The following PDE10A variants were observed in gnomAD, a reference collection of about 807,000 sequenced individuals.
The protein encoded by PDE10A is cAMP and cAMP-inhibited cGMP 3',5'-cyclic phosphodiesterase 10A.
Under a neutral mutation model 97.7 loss-of-function variants are expected in PDE10A, and 39 were observed. The ratio of observed to expected loss-of-function variants is 0.40; its 90% confidence interval spans 0.31 to 0.52. PDE10A has a LOEUF of 0.52. Ranked by LOEUF, PDE10A falls within the 20% of genes least tolerant of loss-of-function variation. The pLI is 0.56. For missense variants in PDE10A, 731 were observed against 1,047.8 expected (o/e 0.70, Z 4.17); for synonymous variants, 371 against 376.8 (o/e 0.98, Z 0.18).
At chr6:165,656,562 A>T (rs1286860072) in intron 1 of PDE10A, among the ~76,000 whole-genome samples, 3 of 151,078 alleles carry the variant, frequency 2.0e-5, no homozygotes, top group Admixed American at 2.0e-4. Flanking sequence ...GTTTCTATAC[A>T]CTCGTCTGAG....
chr6:165,823,008 A>G (rs1173292562), intron 1 of PDE10A, among the ~76,000 whole-genome samples: 1 of 151,522 alleles, frequency 6.6e-6, no homozygotes, highest in Non-Finnish European at 1.5e-5. Flanking sequence ...TAATTTTCGT[A>G]TTTTTAGTAG....
chr6:165,920,730 A>AT (rs1032258623), intron 1 of PDE10A, among the ~76,000 whole-genome samples: 1 of 151,498 alleles, frequency 6.6e-6, no homozygotes, highest in African/African-American at 2.4e-5. Context: ...CAATCTTTCT[A>AT]TTTTTTTTCT....
At chr6:165,407,840 G>A (rs543200899) in intron 13 of PDE10A, among the ~76,000 whole-genome samples, 7 of 152,236 alleles carry the variant, frequency 4.6e-5, no homozygotes, top group African/African-American at 1.7e-4. Flanking sequence ...TAAATTAATT[G>A]ACTTGGATTT....
chr6:165,385,918 TTC>T (rs1203848726), intron 17 of PDE10A, among the ~76,000 whole-genome samples: 1 of 152,236 alleles, frequency 6.6e-6, no homozygotes, highest in African/African-American at 2.4e-5. Flanking sequence ...TATTCCCAGC[TTC>T]TGTTTTTGCA....
At chr6:165,916,539 G>A (rs1451372612) in intron 1 of PDE10A, among the ~76,000 whole-genome samples, 5 of 152,244 alleles carry the variant, frequency 3.3e-5, no homozygotes, top group Admixed American at 3.3e-4. Flanking sequence ...GGACAACACT[G>A]CATGACAAAT....
rs115248495 is a variant in PDE10A at position 165,518,467 on chromosome 6, C to T, written c.994+24973G>A. ...TGAATTTTCCCTTTGTCCAGAGTCT[C>T]CACGCTGCAGATGCTCCTGACCCTT... On this transcript the variant is annotated intron_variant, in intron 2 of 21. Coordinates refer to ENST00000539869, the MANE Select transcript of PDE10A (RefSeq NM_001385079.1). 1.7e-3 allele frequency among the ~76,000 whole-genome samples: 260 copies of T among 152,286 alleles called. 1 individual carries two copies. The highest frequency in any genetic ancestry group is 5.9e-3 in the African/African-American group (244 of 41,566).
At chr6:165,686,079 A>T (rs1340995870) in intron 1 of PDE10A, among the ~76,000 whole-genome samples, 5 of 151,856 alleles carry the variant, frequency 3.3e-5, no homozygotes, top group African/African-American at 1.2e-4. Context: ...CTGCAGTAGA[A>T]TTCAGAGCTA....
chr6:165,420,654 T>C (rs1323792179), intron 10 of PDE10A, among the ~76,000 whole-genome samples: 1 of 152,222 alleles, frequency 6.6e-6, no homozygotes, highest in Non-Finnish European at 1.5e-5. Flanking sequence ...TTGTTTAAAA[T>C]CTGGATCAAA....
Position 165,946,566 on chromosome 6 carries a change from T to C in PDE10A, c.-615+40963A>G, listed in dbSNP as rs1583326290. Among the ~76,000 whole-genome samples the C allele has an allele frequency of 2.7e-5, 4 of 146,366 alleles. No individual in the cohort carries two copies. In the South Asian group the frequency reaches 8.9e-4, roughly 33 times the overall value. ...TTGCCTTCTTAAAAAATGCTAAGAG[T>C]AGAATTTAAGTGTTCTCACCACAAA... On this transcript the variant is annotated intron_variant, in intron 1 of 19. Coordinates refer to the PDE10A transcript ENST00000366882.
chr6:165,656,258 T>TCTCACACACACA (rs1365414526), intron 1 of PDE10A, among the ~76,000 whole-genome samples: 2 of 129,840 alleles, frequency 1.5e-5, no homozygotes, highest in African/African-American at 6.3e-5. Context: ...TCTCTCTCTC[T>TCTCACACACACA]CACACACACA....
At chr6:165,534,104 G>A (rs1224463781) in intron 2 of PDE10A, among the ~76,000 whole-genome samples, 2 of 151,848 alleles carry the variant, frequency 1.3e-5, no homozygotes, top group African/African-American at 4.8e-5. Context: ...TATGACAAAG[G>A]AGACATTTTA....
intron 1 of PDE10A, among the ~76,000 whole-genome samples, chr6:165,569,218 A>G (rs948677156): frequency 6.6e-6 from 1 of 152,172 alleles, no homozygotes; most frequent in Non-Finnish European, 1.5e-5. Flanking sequence ...ACTTCACGTT[A>G]TATTTCTGTT....
chr6:165,825,478 G>A (rs1483489534), intron 1 of PDE10A, among the ~76,000 whole-genome samples: 3 of 152,178 alleles, frequency 2.0e-5, no homozygotes, highest in Admixed American at 2.0e-4. Flanking sequence ...CCCTGCTGCG[G>A]TTCCTTGACA....
intron 1 of PDE10A, among the ~76,000 whole-genome samples, chr6:165,916,160 C>T (rs913349817): frequency 6.6e-6 from 1 of 152,188 alleles, no homozygotes; most frequent in African/African-American, 2.4e-5. Flanking sequence ...TCTTTTAAAA[C>T]GTTGTCAGCA....
chr6:165,870,591 T>C (rs1001976028), intron 1 of PDE10A, among the ~76,000 whole-genome samples: 1 of 152,164 alleles, frequency 6.6e-6, no homozygotes, highest in Admixed American at 6.5e-5. Flanking sequence ...AATCCAGCAA[T>C]TCCACTACTG....
At chr6:165,493,982 AC>A (rs1227772182) in intron 2 of PDE10A, among the ~76,000 whole-genome samples, 9 of 152,058 alleles carry the variant, frequency 5.9e-5, no homozygotes, top group African/African-American at 1.7e-4. Flanking sequence ...AAAAAAAAAA[AC>A]AATCCCATCA....
intron 1 of PDE10A, among the ~76,000 whole-genome samples, chr6:165,674,373 G>A (rs1369562947): frequency 6.6e-6 from 1 of 151,956 alleles, no homozygotes; most frequent in Admixed American, 6.6e-5. Context: ...GAATAGACCT[G>A]GCCTTAAATT....
At chr6:165,757,615 G>A (rs1013299929) in intron 1 of PDE10A, among the ~76,000 whole-genome samples, 1 of 151,940 alleles carries the variant, frequency 6.6e-6, no homozygotes, top group African/African-American at 2.4e-5. Context: ...TTATTAACTA[G>A]TCCACTCAAA....
rs546318683 is a variant in PDE10A at position 165,873,607 on chromosome 6, C to T, written c.-615+113922G>A. Among the ~76,000 whole-genome samples, 9 of 152,134 alleles carry T rather than the reference C, an allele frequency of 5.9e-5. 1 individual carries two copies. The East Asian group carries it at 1.7e-3, about 29-fold the overall frequency. On this transcript the variant is annotated intron_variant, in intron 1 of 19. Transcript: ENST00000366882. The stretch of plus-strand genomic sequence containing the variant: ...TAGCCTTTAAAGATTTTTTTCTTAA[C>T]TTAAAAAAACTTATTTGGGTTTAAG...
Sources: gnomAD v4.1 joint callset for allele counts (sites outside exome capture counted in the v4.1 genomes callset) on GRCh38, gnomAD v4.1.1 for gene constraint, MANE v1.5 for transcripts, NCBI Gene and HGNC (gene_info 2026-07-23, HGNC 2026-07-21) for gene names.